Variants in THEMIS observed in about 807,000 individuals in gnomAD.
The protein encoded by THEMIS is thymocyte selection associated, also known as protein THEMIS.
A neutral mutation model predicts 52.6 loss-of-function variants in THEMIS; 37 were observed. That is an observed-to-expected ratio of 0.70 (90% CI 0.54 to 0.93). THEMIS has a LOEUF of 0.93. Among genes scored for constraint, THEMIS ranks in the 40% least tolerant of loss-of-function variants. THEMIS has a pLI of 0.00. For missense variants in THEMIS, 808 were observed against 763.1 expected (o/e 1.06, Z -0.69); for synonymous variants, 292 against 272.7 (o/e 1.07, Z -0.70).
In THEMIS at chr6:127,855,119, A is replaced by C. The variant is rs1421575631; in HGVS notation, c.161T>G (p.Leu54Arg). The C allele has an allele frequency of 6.2e-7, 1 of 1,611,106 alleles. No individual in the cohort carries two copies. The highest frequency in any genetic ancestry group is 1.7e-5 in the Admixed American group (1 of 59,680). The change falls in exon 2 of 6, where the codon CTC becomes CGC. Residue 54 changes from leucine to arginine, a missense_variant. By Grantham distance (102) the Leu-to-Arg change is moderately radical (BLOSUM62 -2). Coordinates refer to ENST00000368248, the MANE Select transcript of THEMIS (RefSeq NM_001010923.3). ...STGEVIKITG[L>R]KVKKIIAEIC... ...TTCAGCTATGATCTTCTTAACTTTG[A>C]GACCAGTAATTTTAATCACTTCTCC...
intron 1 of THEMIS, among the ~76,000 whole-genome samples, chr6:127,895,201 C>A (rs1405951687): frequency 1.3e-5 from 2 of 150,900 alleles, no homozygotes; most frequent in African/African-American, 2.4e-5. Context: ...GGTTAAACAC[C>A]AAAATTTAGT....
chr6:127,864,504 T>TGAGTTCAATAGAGAGGC (rs1425499197), intron 1 of THEMIS, among the ~76,000 whole-genome samples: 1 of 151,882 alleles, frequency 6.6e-6, no homozygotes, highest in African/African-American at 2.4e-5. Flanking sequence ...AGCAGAGAGG[T>TGAGTTCAATAGAGAGGC]GAGTTCAATA....
intron 1 of THEMIS, among the ~76,000 whole-genome samples, chr6:127,888,216 A>G (rs925595514): frequency 2.6e-5 from 4 of 152,106 alleles, no homozygotes; most frequent in African/African-American, 9.7e-5. Flanking sequence ...ATAATGCAAC[A>G]TGGAGACAAT....
At chr6:127,885,328 T>C (rs1780611673) in intron 1 of THEMIS, among the ~76,000 whole-genome samples, 1 of 152,128 alleles carries the variant, frequency 6.6e-6, no homozygotes, top group African/African-American at 2.4e-5. Context: ...TTATCTTCTA[T>C]TTGGGCTTCA....
intron 1 of THEMIS, among the ~76,000 whole-genome samples, chr6:127,896,117 C>T (rs1316684477): frequency 6.6e-6 from 1 of 151,048 alleles, no homozygotes; most frequent in Non-Finnish European, 1.5e-5. Flanking sequence ...AATATATATT[C>T]AAGTTTTTAA....
In THEMIS at chr6:127,729,217, G is replaced by A. The variant is rs1341574545; in HGVS notation, c.1759-9394C>T. 3.7e-5 allele frequency among the ~76,000 whole-genome samples: 5 copies of A among 134,954 alleles called. No individual in the cohort carries two copies. In the Admixed American group the frequency reaches 4.1e-4, roughly 11 times the overall value. 88.5% of individuals were successfully genotyped at this position (134,954 alleles called of 152,430 possible). A position where few individuals can be genotyped will look rare whatever the true frequency, so the allele number is the denominator to read the frequency against. On this transcript the variant is annotated intron_variant, in intron 4 of 5. Transcript: ENST00000368248. ...CTCTCTCTCTCTTCACTCATCCCCA[G>A]AGGTAGCAAGCTCATTGCTGGTTTA... is the stretch of plus-strand genomic sequence containing the variant.
chr6:127,880,321 T>C (rs542130029), intron 1 of THEMIS, among the ~76,000 whole-genome samples: 13 of 152,238 alleles, frequency 8.5e-5, no homozygotes, highest in African/African-American at 2.4e-4. Context: ...ATTACCATTA[T>C]TTCAAAATTC....
intron 1 of THEMIS, among the ~76,000 whole-genome samples, chr6:127,880,011 T>C (rs928315190): frequency 1.3e-5 from 2 of 152,230 alleles, no homozygotes; most frequent in African/African-American, 2.4e-5. Flanking sequence ...CTCCATTTTT[T>C]AGGCATGCAA....
intron 1 of THEMIS, among the ~76,000 whole-genome samples, chr6:127,893,938 C>T (rs372567269): frequency 6.6e-6 from 1 of 151,650 alleles, no homozygotes; most frequent in Non-Finnish European, 1.5e-5. Flanking sequence ...GGAATAGTAA[C>T]ATTTTCTAAA....
At chr6:127,776,621 C>T (rs1331262584) in intron 4 of THEMIS, among the ~76,000 whole-genome samples, 2 of 152,172 alleles carry the variant, frequency 1.3e-5, no homozygotes, top group African/African-American at 2.4e-5. Flanking sequence ...CTAGAACCAC[C>T]GAGTTAAGCT....
At chr6:127,736,057 C>T (rs1233995543) in intron 4 of THEMIS, among the ~76,000 whole-genome samples, 3 of 152,272 alleles carry the variant, frequency 2.0e-5, no homozygotes, top group East Asian at 1.9e-4. Context: ...CCATCCATCA[C>T]GGATTTTGTG....
intron 3 of THEMIS, among the ~76,000 whole-genome samples, chr6:127,824,191 T>C (rs941513738): frequency 6.6e-6 from 1 of 152,136 alleles, no homozygotes; most frequent in Non-Finnish European, 1.5e-5. Flanking sequence ...GGAAACAGTA[T>C]ATACAGGATC....
chr6:127,787,049 C>T (rs1776972978), intron 4 of THEMIS, among the ~76,000 whole-genome samples: 1 of 152,114 alleles, frequency 6.6e-6, no homozygotes, highest in South Asian at 2.1e-4. Context: ...AAAAAGCACC[C>T]TTTCTAGGAT....
rs1357594344 is a variant in THEMIS at position 127,906,061 on chromosome 6, T to C, written c.-149-4980A>G. On this transcript the variant is annotated intron_variant, in intron 1 of 6. Transcript: ENST00000368250. ...ATTTTTACAAATAAAAATTAAATAG[T>C]TTAATAGTTCAAGTAATAAACTAAT... 2.0e-5 allele frequency among the ~76,000 whole-genome samples: 3 copies of C among 150,614 alleles called. 1 individual carries two copies. The highest frequency in any genetic ancestry group is 4.2e-4 in the South Asian group (2 of 4,774).
At chr6:127,863,356 T>C (rs991125596) in intron 1 of THEMIS, among the ~76,000 whole-genome samples, 3 of 152,158 alleles carry the variant, frequency 2.0e-5, no homozygotes, top group African/African-American at 7.2e-5. Flanking sequence ...TTTGAACATC[T>C]TCAGTGGTGG....
At chr6:127,747,181 T>A (rs1300079461) in intron 4 of THEMIS, among the ~76,000 whole-genome samples, 1 of 132,028 alleles carries the variant, frequency 7.6e-6, no homozygotes, top group African/African-American at 2.8e-5. Flanking sequence ...ATTATAGATA[T>A]CTATAATTAC....
At chr6:127,847,245 A>G (rs901328240) in intron 2 of THEMIS, among the ~76,000 whole-genome samples, 4 of 152,028 alleles carry the variant, frequency 2.6e-5, no homozygotes, top group Non-Finnish European at 5.9e-5. Flanking sequence ...GCCAACTTTC[A>G]CCACTTCTCT....
At chr6:127,746,336 A>G (rs754881230) in intron 4 of THEMIS, among the ~76,000 whole-genome samples, 1 of 151,784 alleles carries the variant, frequency 6.6e-6, no homozygotes, top group Non-Finnish European at 1.5e-5. Flanking sequence ...CTATACTACT[A>G]AGGAGGAAGC....
chr6:127,909,070 A>G (rs1396407387), intron 1 of THEMIS, among the ~76,000 whole-genome samples: 1 of 151,768 alleles, frequency 6.6e-6, no homozygotes, highest in Non-Finnish European at 1.5e-5. Flanking sequence ...TACAAAAATA[A>G]AATATTAAAA....
Sources: gnomAD v4.1 joint callset for allele counts (sites outside exome capture counted in the v4.1 genomes callset) on GRCh38, gnomAD v4.1.1 for gene constraint, MANE v1.5 for transcripts, NCBI Gene and HGNC (gene_info 2026-07-23, HGNC 2026-07-21) for gene names.